The following FTO variants were observed in gnomAD, a reference collection of about 807,000 sequenced individuals.
FTO encodes the protein FTO alpha-ketoglutarate dependent dioxygenase.
In FTO, 47 loss-of-function variants were observed where a neutral mutation model predicts 63.9. That is an observed-to-expected ratio of 0.74 (90% CI 0.58 to 0.94). The LOEUF is 0.94. Ranked by LOEUF, FTO falls within the 40% of genes least tolerant of loss-of-function variation. The pLI, the probability that FTO is intolerant of heterozygous loss-of-function variation, is 0.00. For synonymous variants in FTO, 207 were observed against 224.4 expected, an observed-to-expected ratio of 0.92 and a Z score of 0.69; for missense variants, 562 against 618.1, an observed-to-expected ratio of 0.91 and a Z score of 0.96.
At chr16:53,953,106 GA>G (rs935767521) in intron 8 of FTO, among the ~76,000 whole-genome samples, 40 of 152,324 alleles carry the variant, frequency 2.6e-4, no homozygotes, top group African/African-American at 9.4e-4. Flanking sequence ...AGGGCTCAAA[GA>G]GGAAAACTGC....
intron 1 of FTO, among the ~76,000 whole-genome samples, chr16:53,786,943 C>G (rs1284235896): frequency 6.6e-6 from 1 of 151,608 alleles, no homozygotes. Context: ...AATCCCATCT[C>G]TACTAAAAAT....
chr16:54,047,019 C>T (rs1355870954), intron 8 of FTO, among the ~76,000 whole-genome samples: 1 of 147,718 alleles, frequency 6.8e-6, no homozygotes, highest in Admixed American at 6.8e-5. Context: ...TAGAAGAAAA[C>T]CTAGGCATTA....
intron 8 of FTO, among the ~76,000 whole-genome samples, chr16:54,022,917 A>G (rs1413725778): frequency 6.6e-6 from 1 of 152,238 alleles, no homozygotes; most frequent in Non-Finnish European, 1.5e-5. Flanking sequence ...CGCTGTATAC[A>G]CGGGAGCTAA....
intron 8 of FTO, among the ~76,000 whole-genome samples, chr16:53,987,365 G>C (rs147794489): frequency 0.013 from 1,939 of 152,198 alleles, 45 homozygotes; most frequent in African/African-American, 0.044. Flanking sequence ...TGGATCACCT[G>C]AGGTCAGAAG....
intron 7 of FTO, among the ~76,000 whole-genome samples, chr16:53,907,727 CCTT>C (rs2151937223): frequency 6.6e-6 from 1 of 152,238 alleles, no homozygotes; most frequent in East Asian, 1.9e-4. Context: ...CATCATGCTC[CCTT>C]CTTCTTCAGG....
At chr16:53,956,115 A>G (rs1470041268) in intron 8 of FTO, among the ~76,000 whole-genome samples, 1 of 152,178 alleles carries the variant, frequency 6.6e-6, no homozygotes, top group Non-Finnish European at 1.5e-5. Flanking sequence ...CATGTTATAG[A>G]TGATGAAACT....
At chr16:53,887,278 C>T (rs757508947) in intron 6 of FTO, among the ~76,000 whole-genome samples, 2 of 152,206 alleles carry the variant, frequency 1.3e-5, no homozygotes, top group African/African-American at 2.4e-5. Context: ...GCAGAGTCTT[C>T]TTCCTGTAGT....
chr16:53,967,322 C>G (rs2083218354), intron 8 of FTO, among the ~76,000 whole-genome samples: 1 of 151,918 alleles, frequency 6.6e-6, no homozygotes. Context: ...CGTTTGTTGC[C>G]TGATTTTGGC....
At chr16:54,000,301 T>A (rs2084037573) in intron 8 of FTO, among the ~76,000 whole-genome samples, 1 of 152,156 alleles carries the variant, frequency 6.6e-6, no homozygotes, top group Non-Finnish European at 1.5e-5. Flanking sequence ...GGCACAGAAG[T>A]CATACTCACA....
chr16:53,984,147 CATTT>C (rs2083610346), intron 8 of FTO, among the ~76,000 whole-genome samples: 1 of 152,008 alleles, frequency 6.6e-6, no homozygotes, highest in African/African-American at 2.4e-5. Flanking sequence ...CAGCTTGTCT[CATTT>C]ATATCATTTC....
chr16:53,998,078 G>A (rs903214604), intron 8 of FTO, among the ~76,000 whole-genome samples: 45 of 152,150 alleles, frequency 3.0e-4, no homozygotes, highest in Admixed American at 6.5e-4. Flanking sequence ...CTGAGGCCTT[G>A]GAAAGGCTTG....
chr16:53,964,996 A>G (rs887000709), intron 8 of FTO, among the ~76,000 whole-genome samples: 1 of 152,240 alleles, frequency 6.6e-6, no homozygotes, highest in Non-Finnish European at 1.5e-5. Context: ...AACAACAATC[A>G]GCAAAAAGTT....
intron 1 of FTO, among the ~76,000 whole-genome samples, chr16:53,729,511 A>AG (rs2076226019): frequency 6.6e-6 from 1 of 150,694 alleles, no homozygotes; most frequent in African/African-American, 2.4e-5. Context: ...TCGGGGGGAA[A>AG]AAAAAAGTAA....
chr16:54,033,129 A>G (rs2084868643), intron 8 of FTO, among the ~76,000 whole-genome samples: 1 of 152,190 alleles, frequency 6.6e-6, no homozygotes, highest in Non-Finnish European at 1.5e-5. Flanking sequence ...ATGTTCTCAC[A>G]CACCTATTTA....
chr16:53,846,671 A>G (rs1431851758), intron 4 of FTO, among the ~76,000 whole-genome samples: 1 of 151,918 alleles, frequency 6.6e-6, no homozygotes, highest in Non-Finnish European at 1.5e-5. Context: ...GTGTGGTGGC[A>G]CGTGCCTGTA....
At chr16:53,927,865 T>C (rs2082185494) in intron 7 of FTO, among the ~76,000 whole-genome samples, 1 of 152,250 alleles carries the variant, frequency 6.6e-6, no homozygotes, top group Non-Finnish European at 1.5e-5. Flanking sequence ...ATAAAAATTT[T>C]ATGGTTGTGA....
At chr16:53,770,848 A>G (rs2077317071) in intron 1 of FTO, among the ~76,000 whole-genome samples, 1 of 152,090 alleles carries the variant, frequency 6.6e-6, no homozygotes, top group Non-Finnish European at 1.5e-5. Flanking sequence ...TTCTTGGATG[A>G]TAGATTTCTT....
At chr16:53,832,395 T>A (rs1191955680) in intron 3 of FTO, among the ~76,000 whole-genome samples, 1 of 152,222 alleles carries the variant, frequency 6.6e-6, no homozygotes, top group Non-Finnish European at 1.5e-5. Context: ...CAATTCCTCT[T>A]CCTGACATAT....
chr16:53,867,148 T>C (rs937641214), intron 4 of FTO, among the ~76,000 whole-genome samples: 3 of 152,148 alleles, frequency 2.0e-5, no homozygotes, highest in Non-Finnish European at 4.4e-5. Context: ...ATTAGAAGTA[T>C]ATTGTTCTAT....
Sources: allele counts gnomAD v4.1 joint callset (sites outside exome capture counted in the v4.1 genomes callset), GRCh38; gene constraint gnomAD v4.1.1; transcripts MANE v1.5; gene names NCBI Gene and HGNC (gene_info 2026-07-23, HGNC 2026-07-21).